GLP1R: variants seen among roughly 807,000 people sequenced by gnomAD.
GLP1R encodes the protein glucagon like peptide 1 receptor.
Under a neutral mutation model 68.4 loss-of-function variants are expected in GLP1R, and 32 were observed. The observed-to-expected ratio is 0.47, with a 90% CI of 0.35 to 0.63. GLP1R has a LOEUF of 0.63. Ranked by LOEUF, GLP1R falls within the 20% of genes least tolerant of loss-of-function variation. The probability of loss-of-function intolerance (pLI) is 0.00; values close to 1 mark genes in which losing one functional copy is unlikely to be tolerated. For missense variants in GLP1R, 502 were observed against 594.9 expected, an observed-to-expected ratio of 0.84 and a Z score of 1.62; for synonymous variants, 263 against 244.4, an observed-to-expected ratio of 1.08 and a Z score of -0.71.
chr6:39,051,704 G>T (rs142077944), intron 1 of GLP1R, among the ~76,000 whole-genome samples: 1 of 152,128 alleles, frequency 6.6e-6, no homozygotes, highest in Non-Finnish European at 1.5e-5. Context: ...CAGACCAGGG[G>T]GAGAAGGGAG....
chr6:39,076,068 A>AT, intron 7 of GLP1R, among the ~76,000 whole-genome samples: 1 of 152,356 alleles, frequency 6.6e-6, no homozygotes, highest in East Asian at 1.9e-4. Flanking sequence ...TGTTAAGGAA[A>AT]TGCTGACGAT....
intron 2 of GLP1R, among the ~76,000 whole-genome samples, chr6:39,057,224 G>A (rs1381997608): frequency 6.6e-6 from 1 of 152,194 alleles, no homozygotes; most frequent in East Asian, 1.9e-4. Context: ...CTATGGGGCT[G>A]GAAATACTCC....
chr6:39,065,062 G>A (rs1299014073), intron 3 of GLP1R, among the ~76,000 whole-genome samples: 1 of 152,212 alleles, frequency 6.6e-6, no homozygotes. Context: ...ACGACCAAGA[G>A]GCCGTGTACT....
intron 8 of GLP1R, among the ~76,000 whole-genome samples, chr6:39,078,688 A>G (rs1166726694): frequency 6.6e-6 from 1 of 152,164 alleles, no homozygotes; most frequent in African/African-American, 2.4e-5. Context: ...GGGTACACAC[A>G]TGACTGTGTT....
At chr6:39,080,284 C>T (rs9366994) in intron 11 of GLP1R, among the ~76,000 whole-genome samples, 15,151 of 152,166 alleles carry the variant, frequency 0.1, 1,081 homozygotes, top group East Asian at 0.28. Context: ...AATTCTGGAG[C>T]CCTGGGTCTC....
chr6:39,074,861 C>T (rs1768772646), intron 7 of GLP1R, among the ~76,000 whole-genome samples: 1 of 152,172 alleles, frequency 6.6e-6, no homozygotes, highest in Non-Finnish European at 1.5e-5. Flanking sequence ...TGCTCTCTGC[C>T]CTCTCAAGCT....
intron 3 of GLP1R, among the ~76,000 whole-genome samples, chr6:39,065,288 C>A (rs771780480): frequency 6.6e-6 from 1 of 152,184 alleles, no homozygotes. Flanking sequence ...TCAGAAATAG[C>A]GAGTGACTGC....
chr6:39,072,901 G>C lies in GLP1R; in HGVS notation c.549G>C (p.Leu183=), dbSNP rs1178673793. ...CCAGGAACTACATCCACCTGAACCT[G>C]TTTGCATCCTTCATCCTGCGAGCAT... ...HCTRNYIHLN[L]FASFILRALS... Residue 183 remains leucine (L), a synonymous_variant, in exon 6 of 13, where the codon CTG becomes CTC. Transcript: ENST00000373256. The C allele has an allele frequency of 6.2e-7, 1 of 1,614,162 alleles. No homozygotes were observed. Among genetic ancestry groups the C allele is most frequent in the East Asian group, 2.2e-5 (1 of 44,890 alleles).
chr6:39,085,984 C>G lies in GLP1R; in HGVS notation c.1303C>G (p.Pro435Ala). 1 of 1,613,896 alleles carries G rather than the reference C, an allele frequency of 6.2e-7. No homozygotes were observed. Among genetic ancestry groups the G allele is most frequent in the Non-Finnish European group, 8.5e-7 (1 of 1,179,836 alleles). ...LHIQRDSSMKPLKCPTSSLSS... is the reference protein window; with the variant it reads ...LHIQRDSSMKALKCPTSSLSS... ...CATCCAGAGGGACAGCAGCATGAAG[C>G]CCCTCAAGTGTCCCACCAGCAGCCT... Residue 435 changes from proline to alanine, a missense_variant, in exon 13 of 13, where the codon CCC becomes GCC. Physicochemically the swap from Pro to Ala is conservative, Grantham distance 27. Coordinates refer to ENST00000373256, the MANE Select transcript of GLP1R (RefSeq NM_002062.5).
rs529805250 is a variant in GLP1R at position 39,088,813 on chromosome 6, C to T, written c.*2740C>T. ...GTTGGAGCTCTGGGAGAGCTCTGAG[C>T]AGAGAAAGACCTTGGTGATCCCCCC... On this transcript the variant is annotated 3_prime_UTR_variant, in exon 13 of 13. Transcript: ENST00000373256. Among the ~76,000 whole-genome samples, 1 of 152,226 alleles carries T rather than the reference C, an allele frequency of 6.6e-6. No homozygotes were observed. Among genetic ancestry groups the T allele is most frequent in the Admixed American group, 6.5e-5 (1 of 15,290 alleles).
At position 39,060,908 on chromosome 6, in the gene GLP1R, G is replaced by A. The variant is rs978899624; in HGVS notation, c.283+3329G>A. On this transcript the variant is annotated intron_variant, in intron 3 of 12. Transcript: ENST00000373256. Reference sequence around the variant, plus strand: ...ACCCCCCTCCATGGAGCTGAAGGTCGGCTCAGCAGCCCAGGCAGTGGTACT... The same window carrying A: ...ACCCCCCTCCATGGAGCTGAAGGTCAGCTCAGCAGCCCAGGCAGTGGTACT... 1.1e-4 allele frequency among the ~76,000 whole-genome samples: 16 copies of A among 152,294 alleles called. No homozygotes were observed. The South Asian group carries it at 2.5e-3, about 24-fold the overall frequency.
rs200771257 is a variant in GLP1R at position 39,066,277 on chromosome 6, C to T, written c.483C>T (p.Ile161=). ...GYALSFSALV[I]ASAILLGFRH... ...CACTCTCCTTCTCTGCTCTGGTTAT[C>T]GCCTCTGCGATCCTCCTCGGCTTCA... The change falls in exon 5 of 13, where the codon ATC becomes ATT. Residue 161 remains isoleucine (I), a synonymous_variant. Transcript: ENST00000373256. 2.7e-5 allele frequency: 44 copies of T among 1,610,796 alleles called. No homozygotes were observed. The highest frequency in any genetic ancestry group is 8.9e-5 in the East Asian group (4 of 44,864).
At position 39,061,494 on chromosome 6, in the gene GLP1R, G is replaced by A. The variant is rs140695320; in HGVS notation, c.283+3915G>A. Among the ~76,000 whole-genome samples, 259 of 152,206 alleles carry A rather than the reference G, an allele frequency of 1.7e-3. 1 individual carries two copies. The highest frequency in any genetic ancestry group is 6.0e-3 in the African/African-American group (251 of 41,538). On this transcript the variant is annotated intron_variant, in intron 3 of 12. Coordinates refer to ENST00000373256, the MANE Select transcript of GLP1R (RefSeq NM_002062.5). ...ACTCACAGTTCTTGGAAACTCTGGC[G>A]GGTGCCTCCCCTGAGTAATGTGGAG... is the stretch of plus-strand genomic sequence containing the variant.
At chr6:39,081,440 C>T (rs1769010798) in intron 12 of GLP1R, among the ~76,000 whole-genome samples, 1 of 152,186 alleles carries the variant, frequency 6.6e-6, no homozygotes, top group African/African-American at 2.4e-5. Context: ...GGGGTTCTCG[C>T]TGGCCCCACA....
chr6:39,082,400 A>G (rs1562019359), intron 12 of GLP1R, among the ~76,000 whole-genome samples: 1 of 152,178 alleles, frequency 6.6e-6, no homozygotes, highest in Non-Finnish European at 1.5e-5. Flanking sequence ...TGGCGGGGGC[A>G]AGATCCCACT....
At position 39,065,712 on chromosome 6, in the gene GLP1R, G is replaced by A; in HGVS notation, c.285G>A (p.Val95=). The A allele has an allele frequency of 6.4e-7, 1 of 1,557,862 alleles. No homozygotes were observed. The highest frequency in any genetic ancestry group is 8.7e-7 in the Non-Finnish European group (1 of 1,149,292). ...CPWYLPWASS[V]PQGHVYRFCT... ...CAGGGCCAGGTCTCCCCACCCCAGT[G>A]CCGCAGGGCCACGTGTACCGGTTCT... Residue 95 remains valine (V), a splice_region_variant and synonymous_variant, in exon 4 of 13, where the codon GTG becomes GTA. Transcript: ENST00000373256.
At chr6:39,080,037 A>G (rs1352899188) in intron 11 of GLP1R, among the ~76,000 whole-genome samples, 1 of 152,160 alleles carries the variant, frequency 6.6e-6, no homozygotes, top group Non-Finnish European at 1.5e-5. Context: ...AACCCAGGAG[A>G]TGTGCAGGGT....
intron 1 of GLP1R, among the ~76,000 whole-genome samples, chr6:39,051,638 T>TGTG (rs201402856): frequency 2.0e-5 from 3 of 151,736 alleles, no homozygotes; most frequent in Non-Finnish European, 4.4e-5. Context: ...CCTATGTGTG[T>TGTG]GTGGTGGTGG....
chr6:39,060,547 A>G (rs552597513), intron 3 of GLP1R, among the ~76,000 whole-genome samples: 161 of 152,344 alleles, frequency 1.1e-3, no homozygotes, highest in African/African-American at 3.6e-3. Flanking sequence ...GAAGCCACCC[A>G]GCAGGGCTGT....
Sources: gnomAD v4.1 joint callset for allele counts (sites outside exome capture counted in the v4.1 genomes callset) on GRCh38, gnomAD v4.1.1 for gene constraint, MANE v1.5 for transcripts, NCBI Gene and HGNC (gene_info 2026-07-23, HGNC 2026-07-21) for gene names.